The following SUGCT variants were observed in gnomAD, a reference collection of about 807,000 sequenced individuals.
The protein encoded by SUGCT is succinyl-CoA:glutarate CoA-transferase.
In SUGCT, 41 loss-of-function variants were observed where a neutral mutation model predicts 55.0. The ratio of observed to expected loss-of-function variants is 0.74; its 90% CI spans 0.58 to 0.97. The LOEUF is 0.97. Ranked by LOEUF, SUGCT falls within the 50% of genes least tolerant of loss-of-function variation. The probability of loss-of-function intolerance (pLI) is 0.00; values close to 1 mark genes in which losing one functional copy is unlikely to be tolerated. For synonymous variants in SUGCT, 187 were observed against 200.4 expected (o/e 0.93, Z 0.56); for missense variants, 568 against 547.8 (o/e 1.04, Z -0.37).
At chr7:40,404,084 A>T (rs958159329) in intron 9 of SUGCT, among the ~76,000 whole-genome samples, 2 of 152,202 alleles carry the variant, frequency 1.3e-5, no homozygotes, top group Admixed American at 1.3e-4. Context: ...GAATGTGAAG[A>T]TGACTGGTAC....
the SUGCT span, among the ~76,000 whole-genome samples, chr7:40,971,208 G>T: frequency 6.6e-6 from 1 of 152,080 alleles, no homozygotes; most frequent in Non-Finnish European, 1.5e-5. Context: ...AAGAGAGAGC[G>T]ATGCGGGAGG....
intron 9 of SUGCT, among the ~76,000 whole-genome samples, chr7:40,420,373 C>G (rs1465900246): frequency 1.3e-5 from 2 of 152,064 alleles, no homozygotes; most frequent in African/African-American, 4.8e-5. Context: ...GAATCTTACT[C>G]TGTTTCCCAG....
the SUGCT span, among the ~76,000 whole-genome samples, chr7:40,913,686 C>T: frequency 3.7e-3 from 566 of 152,286 alleles, no homozygotes; most frequent in Middle Eastern, 0.02. Context: ...CTAGAATGGA[C>T]TCATCTAGTT....
intron 12 of SUGCT, among the ~76,000 whole-genome samples, chr7:40,533,951 A>G (rs1794225461): frequency 6.6e-6 from 1 of 152,156 alleles, no homozygotes; most frequent in African/African-American, 2.4e-5. Flanking sequence ...TTTAATTGCC[A>G]TTTTCTCTGA....
intron 13 of SUGCT, among the ~76,000 whole-genome samples, chr7:40,762,928 T>G (rs1326993619): frequency 1.3e-5 from 2 of 151,994 alleles, no homozygotes; most frequent in East Asian, 3.9e-4. Context: ...TTCTCCTGCC[T>G]CAGCCTCCTG....
chr7:40,954,617 G>T, the SUGCT span, among the ~76,000 whole-genome samples: 1 of 152,102 alleles, frequency 6.6e-6, no homozygotes, highest in African/African-American at 2.4e-5. Flanking sequence ...AGTTTCTTTT[G>T]CTGTGCAGAA....
intron 9 of SUGCT, among the ~76,000 whole-genome samples, chr7:40,409,145 G>A (rs1196505252): frequency 6.6e-6 from 1 of 151,986 alleles, no homozygotes; most frequent in Non-Finnish European, 1.5e-5. Context: ...TGTTGAGCTG[G>A]GGTTTTACCA....
At chr7:40,720,006 G>A (rs1415339655) in intron 12 of SUGCT, among the ~76,000 whole-genome samples, 2 of 152,026 alleles carry the variant, frequency 1.3e-5, no homozygotes, top group East Asian at 1.9e-4. Flanking sequence ...GGCTGGTCTC[G>A]ATCTCCTAAC....
intron 12 of SUGCT, among the ~76,000 whole-genome samples, chr7:40,635,318 A>C (rs970736753): frequency 1.3e-5 from 2 of 152,078 alleles, no homozygotes; most frequent in South Asian, 2.1e-4. Flanking sequence ...CAAAACAAAA[A>C]AAAACACATA....
chr7:40,644,390 G>A (rs1234449709), intron 12 of SUGCT, among the ~76,000 whole-genome samples: 1 of 152,134 alleles, frequency 6.6e-6, no homozygotes, highest in Non-Finnish European at 1.5e-5. Context: ...CTGCTTTCTG[G>A]ATTATGGAGC....
At chr7:41,028,736 T>C in the SUGCT span, among the ~76,000 whole-genome samples, 1 of 152,236 alleles carries the variant, frequency 6.6e-6, no homozygotes, top group Non-Finnish European at 1.5e-5. Flanking sequence ...TAAAATGTTG[T>C]CATGCAGTTC....
chr7:40,284,082 A>G (rs1584562643), intron 8 of SUGCT, among the ~76,000 whole-genome samples: 2 of 151,958 alleles, frequency 1.3e-5, no homozygotes, highest in Non-Finnish European at 2.9e-5. Context: ...ATATATGTGG[A>G]ATCTGAAAAA....
intron 12 of SUGCT, among the ~76,000 whole-genome samples, chr7:40,610,432 T>C (rs1331031352): frequency 6.6e-6 from 1 of 152,224 alleles, no homozygotes; most frequent in Non-Finnish European, 1.5e-5. Flanking sequence ...GTGTTATTTT[T>C]CTTGGTCCTG....
At chr7:40,492,440 T>C (rs1791738626) in intron 11 of SUGCT, among the ~76,000 whole-genome samples, 1 of 152,186 alleles carries the variant, frequency 6.6e-6, no homozygotes, top group Non-Finnish European at 1.5e-5. Flanking sequence ...ATCAGCCCAT[T>C]GTCCGCATCA....
intron 13 of SUGCT, chr7:40,782,860 G>A (rs1464340834): frequency 6.6e-6 from 1 of 152,160 alleles, no homozygotes; most frequent in African/African-American, 2.4e-5. Flanking sequence ...ATCTTGGGAT[G>A]TCCAATAGAT....
At chr7:40,972,922 G>T in the SUGCT span, among the ~76,000 whole-genome samples, 1 of 152,292 alleles carries the variant, frequency 6.6e-6, no homozygotes, top group Middle Eastern at 3.4e-3. Context: ...CTGCAGGTTT[G>T]CTTTCTCACG....
At chr7:40,341,261 AC>A (rs1209418995) in intron 9 of SUGCT, among the ~76,000 whole-genome samples, 2 of 152,192 alleles carry the variant, frequency 1.3e-5, no homozygotes, top group Non-Finnish European at 2.9e-5. Context: ...TTTATAATAT[AC>A]TTGAGCTATT....
chr7:40,612,413 C>G (rs936894989), intron 12 of SUGCT, among the ~76,000 whole-genome samples: 1 of 152,160 alleles, frequency 6.6e-6, no homozygotes, highest in Non-Finnish European at 1.5e-5. Flanking sequence ...GCTTTGAACT[C>G]GTACACTTGC....
At chr7:40,746,358 A>G (rs756106400) in intron 12 of SUGCT, among the ~76,000 whole-genome samples, 4 of 152,158 alleles carry the variant, frequency 2.6e-5, no homozygotes, top group African/African-American at 4.8e-5. Context: ...GACCTGATTC[A>G]AGAAGAAAGC....
Sources: allele counts gnomAD v4.1 joint callset (sites outside exome capture counted in the v4.1 genomes callset), GRCh38; gene constraint gnomAD v4.1.1; transcripts MANE v1.5; gene names NCBI Gene and HGNC (gene_info 2026-07-23, HGNC 2026-07-21).